Variants in JARID2 observed in about 807,000 individuals in gnomAD.
The protein encoded by JARID2 is protein Jumonji.
A neutral mutation model predicts 125.6 loss-of-function variants in JARID2; 21 were observed. That is an observed-to-expected ratio of 0.17 (90% CI 0.12 to 0.24). The LOEUF is 0.24. Ranked by LOEUF, JARID2 falls within the 10% of genes least tolerant of loss-of-function variation. The probability of loss-of-function intolerance (pLI) is 1.00; values close to 1 mark genes in which losing one functional copy is unlikely to be tolerated. For missense variants in JARID2, 1,303 were observed against 1,639.6 expected (o/e 0.79, Z 3.55); for synonymous variants, 736 against 661.6 (o/e 1.11, Z -1.73).
intron 5 of JARID2, among the ~76,000 whole-genome samples, chr6:15,482,434 C>T (rs1481206015): frequency 6.6e-6 from 1 of 152,162 alleles, no homozygotes; most frequent in Admixed American, 6.5e-5. Context: ...GATATTTATT[C>T]ATTTAAAAAA....
At chr6:15,457,582 T>G (rs1768243746) in intron 4 of JARID2, among the ~76,000 whole-genome samples, 1 of 151,734 alleles carries the variant, frequency 6.6e-6, no homozygotes, top group Non-Finnish European at 1.5e-5. Flanking sequence ...AAGTGATGTT[T>G]GTTGCTAAGG....
chr6:15,496,853 AGAAGGGCGGCGGCAAGGCCGG>A lies in JARID2; in HGVS notation c.1630_1650del (p.Lys544_Gly550del), dbSNP rs1554144883. ...AAGCCGCAGGACTCGGGCAAGGCCGAGAAGGGCGGCGGCAAGGCCGGGTGGGCGGCCATGGACGAGATCCCC... is the reference window on the plus strand; with the variant it reads ...AAGCCGCAGGACTCGGGCAAGGCCGAGTGGGCGGCCATGGACGAGATCCCC... On this transcript the variant is annotated inframe_deletion, in exon 7 of 18. Coordinates refer to ENST00000341776, the MANE Select transcript of JARID2 (RefSeq NM_004973.4). The A allele has an allele frequency of 1.2e-6, 2 of 1,601,718 alleles. No individual in the cohort carries two copies. Among genetic ancestry groups the A allele is most frequent in the African/African-American group, 1.3e-5 (1 of 74,768 alleles).
intron 4 of JARID2, among the ~76,000 whole-genome samples, chr6:15,463,425 CTT>C (rs745347518): frequency 0.13 from 11,193 of 88,310 alleles, 636 homozygotes; most frequent in East Asian, 0.29. Context: ...GAGCCCTTTC[CTT>C]TTTTTTTTTT....
At chr6:15,352,660 C>A (rs1243047888) in intron 1 of JARID2, among the ~76,000 whole-genome samples, 2 of 152,178 alleles carry the variant, frequency 1.3e-5, no homozygotes, top group Non-Finnish European at 2.9e-5. Flanking sequence ...AAGTAGTTCA[C>A]TTGGCTGTCA....
At chr6:15,302,334 T>C (rs1164239436) in intron 1 of JARID2, among the ~76,000 whole-genome samples, 1 of 152,060 alleles carries the variant, frequency 6.6e-6, no homozygotes, top group African/African-American at 2.4e-5. Flanking sequence ...GAGAATCGCC[T>C]GAACCTGGGA....
At position 15,295,855 on chromosome 6, in the gene JARID2, G is replaced by A. The variant is rs972986175; in HGVS notation, c.45+49271G>A. ...AGTTTTGTATTTTAGTAGAGATGGG[G>A]CATCACCATATTGGCCAGGCTGGTC... On this transcript the variant is annotated intron_variant, in intron 1 of 17. Transcript: ENST00000341776. Among the ~76,000 whole-genome samples, 12 of 152,070 alleles carry A rather than the reference G, an allele frequency of 7.9e-5. 1 individual carries two copies. Among genetic ancestry groups the A allele is most frequent in the Admixed American group, 2.0e-4 (3 of 15,276 alleles).
intron 14 of JARID2, 30 bp from the exon 15 acceptor site, chr6:15,512,885 C>T: frequency 6.2e-7 from 1 of 1,601,714 alleles, no homozygotes; most frequent in South Asian, 1.1e-5. Flanking sequence ...AATGAAAATC[C>T]ACCCTAAAGG....
chr6:15,313,118 C>T (rs1021951269), intron 1 of JARID2, among the ~76,000 whole-genome samples: 5 of 152,084 alleles, frequency 3.3e-5, no homozygotes, highest in Non-Finnish European at 5.9e-5. Flanking sequence ...AATGGATTGC[C>T]GTCGGAGCTT....
intron 1 of JARID2, among the ~76,000 whole-genome samples, chr6:15,359,498 A>G (rs908281623): frequency 1.5e-5 from 2 of 131,680 alleles, no homozygotes; most frequent in African/African-American, 2.5e-5. Flanking sequence ...TCTCATGACT[A>G]TATTTTTAGC....
chr6:15,363,970 A>G (rs1398469107), intron 1 of JARID2, among the ~76,000 whole-genome samples: 2 of 152,220 alleles, frequency 1.3e-5, no homozygotes, highest in African/African-American at 4.8e-5. Flanking sequence ...CCAAGGACAG[A>G]GTTTATTTGT....
intron 1 of JARID2, among the ~76,000 whole-genome samples, chr6:15,250,751 G>GCCT (rs1759414128): frequency 6.6e-6 from 1 of 152,082 alleles, no homozygotes; most frequent in Admixed American, 6.6e-5. Context: ...TCCTCATAGT[G>GCCT]GGTTAAACCA....
chr6:15,374,058 C>G, intron 1 of JARID2, 59 bp from the exon 2 acceptor site: 1 of 1,575,966 alleles, frequency 6.3e-7, no homozygotes, highest in South Asian at 1.1e-5. Context: ...TTTATTTTGA[C>G]TCTGAATATT....
rs1368453870 is a variant in JARID2 at position 15,520,853 on chromosome 6, A to AC, written c.*603dup. The stretch of plus-strand genomic sequence containing the variant: ...ACGTTGTTTCCTAACCATAGGTGGA[A>AC]CGAGGAGACGGGAGCGAGTGGGCTC... On this transcript the variant is annotated 3_prime_UTR_variant, in exon 18 of 18. Coordinates refer to ENST00000341776, the MANE Select transcript of JARID2 (RefSeq NM_004973.4). The AC allele has an allele frequency of 4.4e-6, 2 of 455,840 alleles. No individual in the cohort carries two copies. The highest frequency in any genetic ancestry group is 4.4e-6 in the Non-Finnish European group (1 of 226,724). The allele number at this position is 455,840 out of a possible 1,614,324, so 28.2% of individuals were successfully genotyped here.
chr6:15,509,610 G>T (rs1340703099), intron 12 of JARID2, among the ~76,000 whole-genome samples: 2 of 152,252 alleles, frequency 1.3e-5, no homozygotes, highest in East Asian at 3.8e-4. Flanking sequence ...GCCACCAGCT[G>T]GGGAGGGGAC....
At chr6:15,329,378 T>C (rs1762632913) in intron 1 of JARID2, among the ~76,000 whole-genome samples, 1 of 152,084 alleles carries the variant, frequency 6.6e-6, no homozygotes, top group Admixed American at 6.6e-5. Context: ...GTAGGGTTTA[T>C]AGGGAGAGTT....
chr6:15,514,939 C>T (rs754096883), intron 16 of JARID2, among the ~76,000 whole-genome samples: 18 of 152,180 alleles, frequency 1.2e-4, no homozygotes, highest in Non-Finnish European at 1.5e-5. Context: ...TACCTAGAGC[C>T]ATTTGGTTCT....
chr6:15,327,468 T>C lies in JARID2; in HGVS notation c.46-46649T>C, dbSNP rs144668719. Among the ~76,000 whole-genome samples the C allele has an allele frequency of 3.0e-4, 45 of 152,312 alleles. 1 individual carries two copies. In the East Asian group the frequency reaches 6.4e-3, roughly 22 times the overall value. ...GAGGGGGAGATCTGATGATGGCATC[T>C]AGGGCAGGTATAAATGTGAGTGATA... On this transcript the variant is annotated intron_variant, in intron 1 of 17. Transcript: ENST00000341776.
Position 15,517,407 on chromosome 6 carries a change from T to C in JARID2, c.3558+139T>C, listed in dbSNP as rs1470322802. ...CTGCAGGCCTGAGGTGCCCTGTTCT[T>C]AGGCCCTAAACCCATTCAGGCCCCA... On this transcript the variant is annotated intron_variant, in intron 17 of 17. Transcript: ENST00000341776. 3 of 646,422 alleles carry C rather than the reference T, an allele frequency of 4.6e-6. No homozygotes were observed. In the South Asian group the frequency reaches 5.3e-5, roughly 11 times the overall value. 40.0% of individuals were successfully genotyped at this position (646,422 alleles called of 1,614,324 possible).
intron 3 of JARID2, among the ~76,000 whole-genome samples, chr6:15,436,307 A>G (rs565064729): frequency 8.7e-4 from 133 of 152,270 alleles, no homozygotes; most frequent in African/African-American, 3.0e-3. Context: ...GGAGAGCCAG[A>G]AGGGAGATGG....
Sources: allele counts gnomAD v4.1 joint callset (sites outside exome capture counted in the v4.1 genomes callset), GRCh38; gene constraint gnomAD v4.1.1; transcripts MANE v1.5; gene names NCBI Gene and HGNC (gene_info 2026-07-23, HGNC 2026-07-21).